Variants in TNFRSF21 observed in about 807,000 individuals in gnomAD.
The protein encoded by TNFRSF21 is tumor necrosis factor receptor superfamily member 21.
TNFRSF21 carries 19 observed loss-of-function variants against 45.6 expected under a neutral mutation model. That is an observed-to-expected ratio of 0.42 (90% confidence interval 0.29 to 0.61). TNFRSF21 has a LOEUF of 0.61. Among genes scored for constraint, TNFRSF21 ranks in the 20% least tolerant of loss-of-function variants. The pLI is 0.23. For missense variants in TNFRSF21, 737 were observed against 851.5 expected, an observed-to-expected ratio of 0.87 and a Z score of 1.67; for synonymous variants, 314 against 335.5, an observed-to-expected ratio of 0.94 and a Z score of 0.70.
intron 4 of TNFRSF21, among the ~76,000 whole-genome samples, chr6:47,251,587 A>G (rs914857958): frequency 6.6e-6 from 1 of 152,150 alleles, no homozygotes; most frequent in Non-Finnish European, 1.5e-5. Flanking sequence ...CTAACCTTGC[A>G]TCAGTCATAT....
chr6:47,233,048 G>GCC, intron 5 of TNFRSF21, 54 bp from the exon 6 acceptor site: 1 of 1,561,922 alleles, frequency 6.4e-7, no homozygotes. Flanking sequence ...TACTGGCAAG[G>GCC]CCTGGAGGAA....
intron 4 of TNFRSF21, among the ~76,000 whole-genome samples, chr6:47,237,938 T>C (rs568222460): frequency 6.6e-6 from 1 of 152,028 alleles, no homozygotes; most frequent in Non-Finnish European, 1.5e-5. Context: ...TAATCCCAAC[T>C]ACTTGGGAGT....
chr6:47,252,736 A>G (rs933232978), intron 4 of TNFRSF21, among the ~76,000 whole-genome samples: 1 of 152,168 alleles, frequency 6.6e-6, no homozygotes, highest in African/African-American at 2.4e-5. Flanking sequence ...CTCAGTTCCC[A>G]TCTGATGTGC....
chr6:47,281,328 T>C (rs1162652475), intron 3 of TNFRSF21, among the ~76,000 whole-genome samples: 1 of 149,770 alleles, frequency 6.7e-6, no homozygotes, highest in Non-Finnish European at 1.5e-5. Context: ...ACATGTTATA[T>C]AATATATAAT....
rs1456334277 is a variant in TNFRSF21, at chr6:47,233,041, T to G, written c.1739-47A>C. 5.1e-6 allele frequency: 8 copies of G among 1,578,898 alleles called. No homozygotes were observed. The African/African-American group carries it at 1.1e-4, about 21-fold the overall frequency. ...AAAGACAGCTGTAAGGTGACTGTAC[T>G]GGCAAGGCCTGGAGGAAGGAGAGCA... On this transcript the variant is annotated intron_variant, in intron 5 of 5. Coordinates refer to ENST00000296861, the MANE Select transcript of TNFRSF21 (RefSeq NM_014452.5).
At chr6:47,274,717 G>T (rs1173339756) in intron 3 of TNFRSF21, among the ~76,000 whole-genome samples, 1 of 152,040 alleles carries the variant, frequency 6.6e-6, no homozygotes, top group African/African-American at 2.4e-5. Context: ...CGGAATGGGA[G>T]AAAATTTTTG....
chr6:47,309,593 CACCGCCGCCTCCCGGG>C lies in TNFRSF21; in HGVS notation c.-98_-83del. ...GGCTGCTTCTGCCCAGCGCCGCATC[CACCGCCGCCTCCCGGG>C]CCGGGAGCCCATCTACCTCCAACAC... On this transcript the variant is annotated 5_prime_UTR_variant, in exon 1 of 6. Coordinates refer to ENST00000296861, the MANE Select transcript of TNFRSF21 (RefSeq NM_014452.5). 1 of 1,369,276 alleles carries C rather than the reference CACCGCCGCCTCCCGGG, an allele frequency of 7.3e-7. No homozygotes were observed. Among genetic ancestry groups the C allele is most frequent in the South Asian group, 1.7e-5 (1 of 57,988 alleles). The allele number at this position is 1,369,276 out of a possible 1,614,324, so 84.8% of individuals were successfully genotyped here. A position where few individuals can be genotyped will look rare whatever the true frequency, so the allele number is the denominator to read the frequency against.
In TNFRSF21 at chr6:47,285,983, C is replaced by CCAT; in HGVS notation, c.706_708dup (p.Met236dup). Reference sequence around the variant, plus strand: ...GTGGAGGAAGGGACTTCATGGGTTTCCATGTGCTCAGGGCGTGGAAAGATG... The same window carrying CCAT: ...GTGGAGGAAGGGACTTCATGGGTTTCCATCATGTGCTCAGGGCGTGGAAAGATG... On this transcript the variant is annotated inframe_insertion, in exon 2 of 6. Transcript: ENST00000296861. The CCAT allele has an allele frequency of 6.2e-7, 1 of 1,614,186 alleles. No individual in the cohort carries two copies. The highest frequency in any genetic ancestry group is 1.1e-5 in the South Asian group (1 of 91,086).
At chr6:47,269,969 G>A (rs560925966) in intron 3 of TNFRSF21, among the ~76,000 whole-genome samples, 44 of 152,300 alleles carry the variant, frequency 2.9e-4, no homozygotes, top group African/African-American at 9.6e-4. Flanking sequence ...GTATATGAGC[G>A]ACAGTTTTCT....
At chr6:47,257,066 C>CTGT (rs2113851612) in intron 3 of TNFRSF21, among the ~76,000 whole-genome samples, 1 of 152,228 alleles carries the variant, frequency 6.6e-6, no homozygotes, top group South Asian at 2.1e-4. Context: ...ATGAAAGCTC[C>CTGT]ATACACAGAG....
At chr6:47,303,252 G>C (rs192702350) in intron 1 of TNFRSF21, among the ~76,000 whole-genome samples, 1 of 152,352 alleles carries the variant, frequency 6.6e-6, no homozygotes, top group Admixed American at 6.5e-5. Context: ...CGAACAAATA[G>C]AAAAGTATAT....
chr6:47,309,764 G>T lies in TNFRSF21; in HGVS notation c.-253C>A. The T allele has an allele frequency of 2.4e-6, 1 of 419,868 alleles. No individual in the cohort carries two copies. The highest frequency in any genetic ancestry group is 4.1e-6 in the Non-Finnish European group (1 of 242,418). The allele number at this position is 419,868 out of a possible 1,614,324, so 26.0% of individuals were successfully genotyped here. On this transcript the variant is annotated 5_prime_UTR_variant, in exon 1 of 6. Coordinates refer to ENST00000296861, the MANE Select transcript of TNFRSF21 (RefSeq NM_014452.5). ...CGCCGCGACTGCAGCCCGCGTCTCC[G>T]GGTGCTCTCCTCCGACAGCGGCTGA... is the stretch of plus-strand genomic sequence containing the variant.
chr6:47,301,999 T>C (rs188544616), intron 1 of TNFRSF21, among the ~76,000 whole-genome samples: 3 of 152,274 alleles, frequency 2.0e-5, no homozygotes, highest in East Asian at 3.9e-4. Flanking sequence ...GACCTGGCCG[T>C]GTATAGGATG....
chr6:47,240,359 G>C (rs1191006310), intron 4 of TNFRSF21, among the ~76,000 whole-genome samples: 2 of 152,130 alleles, frequency 1.3e-5, no homozygotes, highest in Non-Finnish European at 2.9e-5. Context: ...TTCCATATGA[G>C]GTAACAAAAA....
chr6:47,270,391 G>A (rs1298477466), intron 3 of TNFRSF21, among the ~76,000 whole-genome samples: 1 of 152,180 alleles, frequency 6.6e-6, no homozygotes, highest in East Asian at 1.9e-4. Flanking sequence ...TGGACCTCCA[G>A]CAAAATCCAA....
intron 3 of TNFRSF21, among the ~76,000 whole-genome samples, chr6:47,280,279 T>C (rs923946300): frequency 2.6e-5 from 4 of 152,040 alleles, no homozygotes; most frequent in Admixed American, 2.0e-4. Context: ...CAGTGTGAAA[T>C]AGACAAGGAC....
chr6:47,258,383 AT>A (rs1561942071), intron 3 of TNFRSF21, among the ~76,000 whole-genome samples: 1 of 151,270 alleles, frequency 6.6e-6, no homozygotes, highest in Non-Finnish European at 1.5e-5. Flanking sequence ...AAAGAAAAAA[AT>A]AAAAGTAATT....
At chr6:47,303,289 G>A (rs147931458) in intron 1 of TNFRSF21, among the ~76,000 whole-genome samples, 1 of 152,322 alleles carries the variant, frequency 6.6e-6, no homozygotes, top group African/African-American at 2.4e-5. Context: ...GCCTTGCTAT[G>A]ACTTAGCTTA....
intron 3 of TNFRSF21, among the ~76,000 whole-genome samples, chr6:47,264,525 A>T (rs1490267371): frequency 2.0e-4 from 31 of 152,158 alleles, no homozygotes; most frequent in Admixed American, 2.0e-3. Context: ...AAAAAATAAT[A>T]AATTAATTAA....
Sources: allele counts gnomAD v4.1 joint callset (sites outside exome capture counted in the v4.1 genomes callset), GRCh38; gene constraint gnomAD v4.1.1; transcripts MANE v1.5; gene names NCBI Gene and HGNC (gene_info 2026-07-23, HGNC 2026-07-21).